Variants in ARK2C observed in about 807,000 individuals in gnomAD.
ARK2C encodes arkadia (RNF111) C-terminal like ring finger ubiquitin ligase 2C, also known as E3 ubiquitin-protein ligase ARK2C.
the ARK2C span, among the ~76,000 whole-genome samples, chr18:46,367,702 T>G: frequency 0.24 from 36,248 of 152,102 alleles, 4,606 homozygotes; most frequent in African/African-American, 0.29. Context: ...CTGGCCTCGG[T>G]GTCCCCACCA....
the ARK2C span, chr18:46,335,850 C>G: frequency 1.0e-6 from 1 of 969,788 alleles, no homozygotes; most frequent in Non-Finnish European, 1.2e-6. Context: ...TGATGACATT[C>G]TGCATTTATC....
chr18:46,431,703 C>T, the ARK2C span, among the ~76,000 whole-genome samples: 3 of 152,226 alleles, frequency 2.0e-5, no homozygotes, highest in South Asian at 6.2e-4. Context: ...CCTATTGGAG[C>T]CTCTCTGGAA....
chr18:46,344,789 G>A, the ARK2C span, among the ~76,000 whole-genome samples: 4 of 152,230 alleles, frequency 2.6e-5, no homozygotes, highest in South Asian at 2.1e-4. Flanking sequence ...ACTGGTCCTC[G>A]CATGGCCCAG....
chr18:46,450,651 A>G, the ARK2C span: 3,198 of 1,364,548 alleles, frequency 2.3e-3, 10 homozygotes, highest in Admixed American at 3.6e-3. Flanking sequence ...TCCTGTGTGC[A>G]TGTGGGCATT....
At chr18:46,443,605 T>C in the ARK2C span, among the ~76,000 whole-genome samples, 1 of 152,226 alleles carries the variant, frequency 6.6e-6, no homozygotes, top group Non-Finnish European at 1.5e-5. Context: ...TAAAGTTTTA[T>C]TGGAACATAG....
the ARK2C span, among the ~76,000 whole-genome samples, chr18:46,402,525 T>G: frequency 6.6e-6 from 1 of 152,222 alleles, no homozygotes; most frequent in African/African-American, 2.4e-5. Context: ...GTGTTTTTTT[T>G]TCTTTTCGAG....
At chr18:46,435,953 G>GT in the ARK2C span, among the ~76,000 whole-genome samples, 4 of 152,176 alleles carry the variant, frequency 2.6e-5, no homozygotes, top group Non-Finnish European at 4.4e-5. Flanking sequence ...GTTGAGGGTG[G>GT]TGTTGTTGCT....
At chr18:46,335,865 C>A in the ARK2C span, 77 of 971,686 alleles carry the variant, frequency 7.9e-5, no homozygotes, top group Non-Finnish European at 8.8e-5. Context: ...TTTATCAAAT[C>A]TTTTTTTTTC....
the ARK2C span, among the ~76,000 whole-genome samples, chr18:46,426,389 G>A: frequency 6.6e-6 from 1 of 152,038 alleles, no homozygotes; most frequent in Non-Finnish European, 1.5e-5. Flanking sequence ...CCTCCCCTAT[G>A]GGTTCTTCTG....
the ARK2C span, among the ~76,000 whole-genome samples, chr18:46,376,534 A>G: frequency 1.3e-5 from 2 of 152,308 alleles, no homozygotes; most frequent in East Asian, 3.9e-4. Context: ...GACCACACCT[A>G]TGCTCTGGAC....
the ARK2C span, among the ~76,000 whole-genome samples, chr18:46,371,132 C>T: frequency 0.016 from 2,419 of 152,222 alleles, 61 homozygotes; most frequent in African/African-American, 0.055. Context: ...ATAAAACCAT[C>T]GGATCTCATG....
At chr18:46,366,292 C>CAA in the ARK2C span, among the ~76,000 whole-genome samples, 251 of 54,476 alleles carry the variant, frequency 4.6e-3, 23 homozygotes, top group African/African-American at 5.3e-3. Context: ...AACTCTGGCT[C>CAA]AAAAAAAAAA....
the ARK2C span, among the ~76,000 whole-genome samples, chr18:46,360,823 C>T: frequency 1.3e-5 from 2 of 152,200 alleles, no homozygotes; most frequent in African/African-American, 4.8e-5. Flanking sequence ...ACAGGGCCCA[C>T]CTAAACACTG....
chr18:46,389,458 C>A, the ARK2C span, among the ~76,000 whole-genome samples: 4 of 152,260 alleles, frequency 2.6e-5, no homozygotes, highest in East Asian at 3.9e-4. Context: ...TTTGTAGGCA[C>A]GGAAGTATAT....
At chr18:46,441,191 C>T in the ARK2C span, among the ~76,000 whole-genome samples, 1 of 152,044 alleles carries the variant, frequency 6.6e-6, no homozygotes, top group African/African-American at 2.4e-5. Flanking sequence ...CAGAGTCTTG[C>T]TATGTTGCCT....
the ARK2C span, among the ~76,000 whole-genome samples, chr18:46,370,249 A>G: frequency 6.6e-6 from 1 of 152,220 alleles, no homozygotes; most frequent in South Asian, 2.1e-4. Flanking sequence ...GATCATCTCT[A>G]TAGGCAGGGG....
the ARK2C span, among the ~76,000 whole-genome samples, chr18:46,425,716 C>T: frequency 1.3e-5 from 2 of 152,156 alleles, no homozygotes; most frequent in South Asian, 2.1e-4. Context: ...GCCAGAGGAG[C>T]CTCCTGACTG....
chr18:46,335,769 C>T, the ARK2C span: 1 of 398,616 alleles, frequency 2.5e-6, no homozygotes. Flanking sequence ...CGCGCCTCTC[C>T]CCAGAACCTA....
At chr18:46,376,054 G>A in the ARK2C span, among the ~76,000 whole-genome samples, 3 of 152,220 alleles carry the variant, frequency 2.0e-5, no homozygotes, top group African/African-American at 7.2e-5. Context: ...TCAGAACAGG[G>A]CCGGGCCCGG....
Sources: gnomAD v4.1 joint callset for allele counts (sites outside exome capture counted in the v4.1 genomes callset) on GRCh38, gnomAD v4.1.1 for gene constraint, MANE v1.5 for transcripts, NCBI Gene and HGNC (gene_info 2026-07-23, HGNC 2026-07-21) for gene names.